Variants in KTN1 observed in about 807,000 individuals in gnomAD.
The protein encoded by KTN1 is kinectin.
A neutral mutation model predicts 222.5 loss-of-function variants in KTN1; 130 were observed. The observed-to-expected ratio is 0.58, with a 90% CI of 0.51 to 0.68. KTN1 has a LOEUF of 0.68. Ranked by LOEUF, KTN1 falls within the 30% of genes least tolerant of loss-of-function variation. The probability of loss-of-function intolerance (pLI) is 0.00; values close to 1 mark genes in which losing one functional copy is unlikely to be tolerated. For synonymous variants in KTN1, 512 were observed against 496.3 expected, an observed-to-expected ratio of 1.03 and a Z score of -0.42; for missense variants, 1,508 against 1,500.4, an observed-to-expected ratio of 1.01 and a Z score of -0.08.
chr14:55,640,560 T>C, intron 15 of KTN1, 118 bp downstream of exon 15: 1 of 680,740 alleles, frequency 1.5e-6, no homozygotes, highest in Non-Finnish European at 2.5e-6. Context: ...TGGTTTATCA[T>C]CTTTGGCTGC....
chr14:55,649,781 T>G lies in KTN1; in HGVS notation c.2373T>G (p.Ser791=). 1 of 1,518,756 alleles carries G rather than the reference T, an allele frequency of 6.6e-7. No individual in the cohort carries two copies. Among genetic ancestry groups the G allele is most frequent in the South Asian group, 1.2e-5 (1 of 85,348 alleles). 94.1% of individuals were successfully genotyped at this position (1,518,756 alleles called of 1,614,324 possible). A position where few individuals can be genotyped will look rare whatever the true frequency, so the allele number is the denominator to read the frequency against. The change falls in exon 22 of 44, where the codon TCT becomes TCG. Residue 791 remains serine, a synonymous_variant. Transcript: ENST00000395314. ...GGATACTTTCCTATTTCCAGGTTTCTTTTGCCTCTCTAGTTGAAGAACTTA... is the reference window on the plus strand; with the variant it reads ...GGATACTTTCCTATTTCCAGGTTTCGTTTGCCTCTCTAGTTGAAGAACTTA... ...DLKAKQNDQV[S]FASLVEELKK...
chr14:55,580,897 G>A (rs2031352298), intron 1 of KTN1, among the ~76,000 whole-genome samples: 1 of 152,176 alleles, frequency 6.6e-6, no homozygotes, highest in African/African-American at 2.4e-5. Context: ...CTGGGCGCTC[G>A]CCCCCTTCCC....
intron 5 of KTN1, among the ~76,000 whole-genome samples, chr14:55,619,833 G>T (rs1251369286): frequency 6.6e-6 from 1 of 152,030 alleles, no homozygotes; most frequent in East Asian, 1.9e-4. Context: ...TTCCACTCCA[G>T]ACCCTCCCAA....
chr14:55,582,765 C>T (rs72719457), intron 1 of KTN1, among the ~76,000 whole-genome samples: 6,495 of 152,212 alleles, frequency 0.043, 207 homozygotes, highest in Non-Finnish European at 0.065. Context: ...TCTTGGGAAT[C>T]TGACCTAATA....
intron 29 of KTN1, among the ~76,000 whole-genome samples, chr14:55,656,687 G>A (rs747263403): frequency 6.6e-6 from 1 of 151,970 alleles, no homozygotes; most frequent in Non-Finnish European, 1.5e-5. Context: ...GACTGGTCTC[G>A]AACTCCTGAC....
At chr14:55,593,761 G>T (rs1394583047) in intron 1 of KTN1, among the ~76,000 whole-genome samples, 1 of 151,884 alleles carries the variant, frequency 6.6e-6, no homozygotes, top group Middle Eastern at 3.4e-3. Flanking sequence ...TTTTCTCCAG[G>T]CTTGGAGCTT....
rs1447769839 is a variant in KTN1 at position 55,652,701 on chromosome 14, G to C, written c.2604-149G>C. ...GGCGTGAGCCACTGCGCCTGGCCTT[G>C]TATGCCTTTATACTTGATAAGTTTT... is the stretch of plus-strand genomic sequence containing the variant. On this transcript the variant is annotated intron_variant, in intron 25 of 43. Transcript: ENST00000395314. 4 of 577,924 alleles carry C rather than the reference G, an allele frequency of 6.9e-6. No homozygotes were observed. The African/African-American group carries it at 7.5e-5, about 11-fold the overall frequency. The allele number at this position is 577,924 out of a possible 1,614,324, so 35.8% of individuals were successfully genotyped here. A position where few individuals can be genotyped will look rare whatever the true frequency, so the allele number is the denominator to read the frequency against.
chr14:55,584,489 T>TA (rs957797231), intron 1 of KTN1, among the ~76,000 whole-genome samples: 1 of 152,228 alleles, frequency 6.6e-6, no homozygotes, highest in African/African-American at 2.4e-5. Flanking sequence ...CAGAGCTGTT[T>TA]TTTACACTGG....
At chr14:55,660,705 A>G (rs145333601) in intron 31 of KTN1, among the ~76,000 whole-genome samples, 504 of 152,304 alleles carry the variant, frequency 3.3e-3, no homozygotes, top group Non-Finnish European at 5.0e-3. Flanking sequence ...TATTTTCTGT[A>G]AAGGCCCTGA....
chr14:55,648,230 A>C, intron 20 of KTN1, 115 bp downstream of exon 20: 1 of 460,292 alleles, frequency 2.2e-6, no homozygotes, highest in Non-Finnish European at 3.9e-6. Context: ...TACCTCTCAC[A>C]TTTATAAATT....
Position 55,649,727 on chromosome 14 carries a change from C to T in KTN1, c.2368-49C>T, listed in dbSNP as rs199787976. 1.4e-4 allele frequency: 149 copies of T among 1,063,248 alleles called. 1 individual carries two copies. In the African/African-American group the frequency reaches 2.0e-3, roughly 14 times the overall value. The allele number at this position is 1,063,248 out of a possible 1,614,324, so 65.9% of individuals were successfully genotyped here. On this transcript the variant is annotated intron_variant, in intron 21 of 43. Coordinates refer to ENST00000395314, the MANE Select transcript of KTN1 (RefSeq NM_001079521.2). The stretch of plus-strand genomic sequence containing the variant: ...ATAATGTGCATTTCTATTTCTGACC[C>T]ATTTCTATTTTGAACAAATTACTAA...
At position 55,671,728 on chromosome 14, in the gene KTN1, G is replaced by A. The variant is rs773820173; in HGVS notation, c.3439-57G>A. On this transcript the variant is annotated intron_variant, in intron 36 of 43. Transcript: ENST00000395314. ...ACCTTCTTCCTTCATGGCCTAAATA[G>A]TTTTATCTTGGCATTAGAACATGAA... 4 of 1,529,430 alleles carry A rather than the reference G, an allele frequency of 2.6e-6. No homozygotes were observed. The Admixed American group carries it at 6.8e-5, about 26-fold the overall frequency. The allele number at this position is 1,529,430 out of a possible 1,614,324, so 94.7% of individuals were successfully genotyped here.
At chr14:55,636,355 C>T in intron 9 of KTN1, 94 bp from the exon 10 acceptor site, 1 of 867,834 alleles carries the variant, frequency 1.2e-6, no homozygotes, top group Non-Finnish European at 1.8e-6. Context: ...TATGATACAA[C>T]AGTAAAGGTA....
At chr14:55,678,110 A>T (rs181226389) in intron 41 of KTN1, among the ~76,000 whole-genome samples, 1 of 152,170 alleles carries the variant, frequency 6.6e-6, no homozygotes, top group Admixed American at 6.5e-5. Context: ...CTAAATATCA[A>T]CTATGGTTAT....
intron 41 of KTN1, among the ~76,000 whole-genome samples, chr14:55,677,029 C>G (rs117118490): frequency 6.6e-6 from 1 of 152,100 alleles, no homozygotes; most frequent in Admixed American, 6.5e-5. Context: ...TTTAAAAATA[C>G]CAAACTGGTG....
At chr14:55,590,920 C>T (rs999665604) in intron 1 of KTN1, among the ~76,000 whole-genome samples, 7 of 152,090 alleles carry the variant, frequency 4.6e-5, no homozygotes, top group Non-Finnish European at 8.8e-5. Context: ...GTGATCCACC[C>T]GCCTTGGCCT....
chr14:55,650,189 T>G, intron 22 of KTN1, 139 bp from the exon 23 acceptor site: 1 of 668,282 alleles, frequency 1.5e-6, no homozygotes, highest in East Asian at 2.6e-5. Flanking sequence ...CCCTGGCCAT[T>G]CTACAAAGAC....
In KTN1 at chr14:55,637,377, C is replaced by CTTT; in HGVS notation, c.1716+24_1716+26dup. On this transcript the variant is annotated intron_variant, in intron 11 of 43. Coordinates refer to ENST00000395314, the MANE Select transcript of KTN1 (RefSeq NM_001079521.2). ...AATGCAGGTTCAGGTATTTTTTCTT[C>CTTT]TTTTTTTTTTTTTAAAAAAATACAG... The CTTT allele has an allele frequency of 2.4e-5, 29 of 1,206,102 alleles. No homozygotes were observed. Among genetic ancestry groups the CTTT allele is most frequent in the Admixed American group, 7.9e-5 (3 of 38,020 alleles). 74.7% of individuals were successfully genotyped at this position (1,206,102 alleles called of 1,614,324 possible). A position where few individuals can be genotyped will look rare whatever the true frequency, so the allele number is the denominator to read the frequency against.
intron 3 of KTN1, 71 bp from the exon 4 acceptor site, chr14:55,617,893 A>C: frequency 8.9e-7 from 1 of 1,120,092 alleles, no homozygotes; most frequent in Admixed American, 2.5e-5. Context: ...TTATCATTAA[A>C]TTATGCTTGC....
Sources: gnomAD v4.1 joint callset for allele counts (sites outside exome capture counted in the v4.1 genomes callset) on GRCh38, gnomAD v4.1.1 for gene constraint, MANE v1.5 for transcripts, NCBI Gene and HGNC (gene_info 2026-07-23, HGNC 2026-07-21) for gene names.